Variants in NCKAP5 observed in about 807,000 individuals in gnomAD.
NCKAP5 encodes the protein nck-associated protein 5.
In NCKAP5, 92 loss-of-function variants were observed where a neutral mutation model predicts 167.0. The observed-to-expected ratio is 0.55, with a 90% CI of 0.47 to 0.66. The LOEUF (loss-of-function observed/expected upper bound fraction) is 0.66. Among genes scored for constraint, NCKAP5 ranks in the 30% least tolerant of loss-of-function variants. The pLI, the probability that NCKAP5 is intolerant of heterozygous loss-of-function variation, is 0.00. For synonymous variants in NCKAP5, 891 were observed against 877.4 expected (o/e 1.02, Z -0.27); for missense variants, 2,378 against 2,315.0 (o/e 1.03, Z -0.56).
the NCKAP5 span, among the ~76,000 whole-genome samples, chr2:133,584,942 GA>G: frequency 6.2e-5 from 1 of 16,004 alleles, no homozygotes; most frequent in African/African-American, 3.8e-4. Context: ...AAAAAAGAAA[GA>G]AGGAAGGAAG....
intron 1 of NCKAP5, among the ~76,000 whole-genome samples, chr2:133,565,816 T>A (rs1425894906): frequency 6.6e-6 from 1 of 152,254 alleles, no homozygotes; most frequent in African/African-American, 2.4e-5. Context: ...GTCCTGAGGC[T>A]TGGGTGTTTG....
intron 11 of NCKAP5, among the ~76,000 whole-genome samples, chr2:132,801,059 C>T (rs1250186634): frequency 6.6e-6 from 1 of 152,150 alleles, no homozygotes. Flanking sequence ...GACATCTGCC[C>T]TTTCTTGCCT....
intron 16 of NCKAP5, among the ~76,000 whole-genome samples, chr2:132,735,012 C>G (rs1691373946): frequency 6.6e-6 from 1 of 152,218 alleles, no homozygotes; most frequent in Non-Finnish European, 1.5e-5. Flanking sequence ...CTGGGCTCCC[C>G]ATTCTGTGGC....
intron 3 of NCKAP5, among the ~76,000 whole-genome samples, chr2:133,472,411 G>A (rs1679419664): frequency 6.6e-6 from 1 of 151,924 alleles, no homozygotes; most frequent in African/African-American, 2.4e-5. Context: ...TTAATTATAT[G>A]ATGAAGATCT....
chr2:132,866,594 TA>T (rs1690376598), intron 10 of NCKAP5, among the ~76,000 whole-genome samples: 1 of 152,214 alleles, frequency 6.6e-6, no homozygotes, highest in Admixed American at 6.5e-5. Context: ...TAGACTCTGT[TA>T]CTTCAGGATA....
chr2:133,200,051 T>A (rs1467015255), intron 5 of NCKAP5, among the ~76,000 whole-genome samples: 1 of 137,022 alleles, frequency 7.3e-6, no homozygotes, highest in Non-Finnish European at 1.6e-5. Context: ...AGTTGGCTTT[T>A]TTTTTCTTTC....
At chr2:133,350,149 T>C (rs1189006149) in intron 3 of NCKAP5, among the ~76,000 whole-genome samples, 1 of 152,166 alleles carries the variant, frequency 6.6e-6, no homozygotes, top group Non-Finnish European at 1.5e-5. Flanking sequence ...TGATGGTTCA[T>C]GCCTATGGTT....
At chr2:133,339,876 A>AAAG (rs1683457557) in intron 3 of NCKAP5, among the ~76,000 whole-genome samples, 1 of 152,204 alleles carries the variant, frequency 6.6e-6, no homozygotes, top group Admixed American at 6.5e-5. Context: ...AAACAATTTA[A>AAAG]AAGAACATCA....
At chr2:132,686,994 T>C (rs1197487334) in intron 19 of NCKAP5, among the ~76,000 whole-genome samples, 1 of 152,168 alleles carries the variant, frequency 6.6e-6, no homozygotes, top group Non-Finnish European at 1.5e-5. Context: ...AATCATACCA[T>C]TTAGCAATGG....
At chr2:133,084,349 C>A (rs1475969405) in intron 6 of NCKAP5, among the ~76,000 whole-genome samples, 2 of 152,096 alleles carry the variant, frequency 1.3e-5, no homozygotes, top group African/African-American at 4.8e-5. Context: ...ATGTGCAGAG[C>A]AAATATATAC....
At chr2:133,092,685 T>C (rs1313107057) in intron 6 of NCKAP5, among the ~76,000 whole-genome samples, 2 of 152,224 alleles carry the variant, frequency 1.3e-5, no homozygotes, top group Non-Finnish European at 2.9e-5. Context: ...CCCAAGAACT[T>C]ATCTACTGTC....
intron 3 of NCKAP5, among the ~76,000 whole-genome samples, chr2:133,513,561 G>A (rs1465534079): frequency 6.6e-6 from 1 of 152,216 alleles, no homozygotes; most frequent in Non-Finnish European, 1.5e-5. Flanking sequence ...GTTTTCAATA[G>A]TGCTTGTTGA....
chr2:133,418,313 C>G (rs1689253653), intron 3 of NCKAP5, among the ~76,000 whole-genome samples: 1 of 152,168 alleles, frequency 6.6e-6, no homozygotes, highest in African/African-American at 2.4e-5. Flanking sequence ...CCAACAAGCA[C>G]AGAACCTCAA....
intron 3 of NCKAP5, among the ~76,000 whole-genome samples, chr2:133,330,205 C>T (rs1682749081): frequency 6.7e-6 from 1 of 148,282 alleles, no homozygotes; most frequent in Non-Finnish European, 1.5e-5. Flanking sequence ...TATGGGTTTA[C>T]AGGCATGCAC....
chr2:133,197,044 T>C (rs1559254156), intron 5 of NCKAP5, among the ~76,000 whole-genome samples: 1 of 152,094 alleles, frequency 6.6e-6, no homozygotes, highest in Non-Finnish European at 1.5e-5. Flanking sequence ...CAGACATAGA[T>C]GTAATCATGA....
intron 6 of NCKAP5, among the ~76,000 whole-genome samples, chr2:133,010,494 G>T (rs539707258): frequency 6.6e-6 from 1 of 152,266 alleles, no homozygotes; most frequent in Non-Finnish European, 1.5e-5. Flanking sequence ...ATGCATATTT[G>T]CAGCCCCTGT....
chr2:132,729,480 T>G (rs1235867680), intron 17 of NCKAP5, among the ~76,000 whole-genome samples: 2 of 152,166 alleles, frequency 1.3e-5, no homozygotes, highest in Non-Finnish European at 2.9e-5. Flanking sequence ...TTGGAGCCCT[T>G]AAACATCTCT....
the NCKAP5 span, among the ~76,000 whole-genome samples, chr2:133,623,567 T>G: frequency 4.5e-4 from 69 of 151,858 alleles, no homozygotes; most frequent in Admixed American, 7.9e-4. Flanking sequence ...CACCACTAAT[T>G]ATTAGGGAAA....
intron 11 of NCKAP5, among the ~76,000 whole-genome samples, chr2:132,808,572 TG>T (rs750738625): frequency 4.6e-5 from 7 of 152,166 alleles, no homozygotes; most frequent in Non-Finnish European, 7.4e-5. Flanking sequence ...CAGCCTTAAT[TG>T]ATCTTTTGTA....
Sources: allele counts gnomAD v4.1 joint callset (sites outside exome capture counted in the v4.1 genomes callset), GRCh38; gene constraint gnomAD v4.1.1; transcripts MANE v1.5; gene names NCBI Gene and HGNC (gene_info 2026-07-23, HGNC 2026-07-21).